PDE1C: variants seen among roughly 807,000 people sequenced by gnomAD.
The protein encoded by PDE1C is dual specificity calcium/calmodulin-dependent 3',5'-cyclic nucleotide phosphodiesterase 1C.
In PDE1C, 62 loss-of-function variants were observed where a neutral mutation model predicts 93.1. The observed-to-expected ratio is 0.67, with a 90% confidence interval of 0.54 to 0.82. The LOEUF is 0.82. Ranked by LOEUF, PDE1C falls within the 40% of genes least tolerant of loss-of-function variation. The pLI is 0.00. For missense variants in PDE1C, 742 were observed against 884.6 expected (o/e 0.84, Z 2.04); for synonymous variants, 325 against 310.1 (o/e 1.05, Z -0.50).
the PDE1C span, chr7:31,695,363 A>G: frequency 9.7e-7 from 1 of 1,032,942 alleles, no homozygotes; most frequent in Non-Finnish European, 1.4e-6. Flanking sequence ...TTTTCAGGCC[A>G]AATCACCTCT....
chr7:31,889,335 A>C (rs143223172), intron 2 of PDE1C, among the ~76,000 whole-genome samples: 17 of 152,294 alleles, frequency 1.1e-4, no homozygotes, highest in Admixed American at 1.0e-3. Flanking sequence ...GGATGTGCAT[A>C]TGTATTTTTA....
intron 16 of PDE1C, among the ~76,000 whole-genome samples, chr7:31,777,082 G>A (rs1033144144): frequency 2.6e-5 from 4 of 151,564 alleles, no homozygotes; most frequent in African/African-American, 4.9e-5. Flanking sequence ...CATGGCACAT[G>A]TATACATATG....
intron 3 of PDE1C, among the ~76,000 whole-genome samples, chr7:32,124,108 G>C (rs1799442524): frequency 6.6e-6 from 1 of 152,104 alleles, no homozygotes; most frequent in African/African-American, 2.4e-5. Context: ...ATTCATAATT[G>C]CTACAAAGAG....
chr7:32,143,439 T>C (rs1193129650), intron 3 of PDE1C, among the ~76,000 whole-genome samples: 1 of 151,852 alleles, frequency 6.6e-6, no homozygotes, highest in African/African-American at 2.4e-5. Flanking sequence ...TCCCATCAGC[T>C]ATGCAGGACG....
chr7:32,010,630 T>C (rs1786951059), intron 2 of PDE1C, among the ~76,000 whole-genome samples: 1 of 152,206 alleles, frequency 6.6e-6, no homozygotes, highest in Non-Finnish European at 1.5e-5. Flanking sequence ...CAGGTCACTA[T>C]AAAATCAGAA....
intron 2 of PDE1C, among the ~76,000 whole-genome samples, chr7:31,987,642 A>C (rs1384112999): frequency 6.6e-6 from 1 of 152,162 alleles, no homozygotes; most frequent in East Asian, 1.9e-4. Context: ...CCCTAATAAA[A>C]CCAACTTATT....
At chr7:31,850,438 T>G (rs772834253) in intron 8 of PDE1C, among the ~76,000 whole-genome samples, 1 of 152,130 alleles carries the variant, frequency 6.6e-6, no homozygotes. Flanking sequence ...CTGAACAAAA[T>G]AGGAGAATTA....
intron 1 of PDE1C, among the ~76,000 whole-genome samples, chr7:32,065,056 G>C (rs75969406): frequency 1.6e-4 from 10 of 64,126 alleles, no homozygotes; most frequent in East Asian, 2.3e-4. Context: ...GGCGGTGGGG[G>C]GGGGGGGGAG....
Position 31,752,987 on chromosome 7 carries a change from A to C in PDE1C, c.*397T>G, listed in dbSNP as rs1490556684. ...TATGTTTTTATCAGTGCATTTCTTAAATATGATGATTATTAAACCAATATT... is the reference window on the plus strand; with the variant it reads ...TATGTTTTTATCAGTGCATTTCTTACATATGATGATTATTAAACCAATATT... On this transcript the variant is annotated 3_prime_UTR_variant, in exon 18 of 18. Coordinates refer to ENST00000396191, the MANE Select transcript of PDE1C (RefSeq NM_001191057.4). The C allele has an allele frequency of 6.5e-6, 1 of 153,356 alleles. No individual in the cohort carries two copies. Among genetic ancestry groups the C allele is most frequent in the Non-Finnish European group, 1.5e-5 (1 of 68,914 alleles). The allele number at this position is 153,356 out of a possible 1,614,324, so 9.5% of individuals were successfully genotyped here.
chr7:32,005,338 T>C (rs1584417660), intron 2 of PDE1C, among the ~76,000 whole-genome samples: 1 of 151,882 alleles, frequency 6.6e-6, no homozygotes, highest in Non-Finnish European at 1.5e-5. Context: ...AGGCAGATCA[T>C]GATGTCAGGA....
chr7:32,145,294 T>C (rs903985722), intron 3 of PDE1C, among the ~76,000 whole-genome samples: 1 of 152,262 alleles, frequency 6.6e-6, no homozygotes, highest in Non-Finnish European at 1.5e-5. Flanking sequence ...ACAGAGGTAT[T>C]GCGCAGGACA....
chr7:32,323,098 G>A (rs1783332196), intron 1 of PDE1C, among the ~76,000 whole-genome samples: 1 of 152,324 alleles, frequency 6.6e-6, no homozygotes, highest in East Asian at 1.9e-4. Flanking sequence ...AAAGTGACAT[G>A]TAACATCAAA....
At chr7:32,186,104 T>G (rs71530576) in intron 2 of PDE1C, among the ~76,000 whole-genome samples, 30,473 of 147,140 alleles carry the variant, frequency 0.21, 4,018 homozygotes, top group Admixed American at 0.34. Context: ...TTTTTTTTTT[T>G]TTTTTTTTTG....
chr7:32,119,099 C>G (rs1379572597), intron 3 of PDE1C, among the ~76,000 whole-genome samples: 1 of 152,144 alleles, frequency 6.6e-6, no homozygotes, highest in African/African-American at 2.4e-5. Flanking sequence ...CCTTCTCTCT[C>G]TCTCTCCCAC....
chr7:32,208,114 T>G (rs1405429645), intron 2 of PDE1C, among the ~76,000 whole-genome samples: 1 of 152,222 alleles, frequency 6.6e-6, no homozygotes, highest in Admixed American at 6.5e-5. Flanking sequence ...TATTACACAA[T>G]TTCTAAAATA....
chr7:32,168,093 T>C (rs1562541469), intron 3 of PDE1C, among the ~76,000 whole-genome samples: 2 of 152,016 alleles, frequency 1.3e-5, no homozygotes, highest in Non-Finnish European at 2.9e-5. Flanking sequence ...AGGGTACCAA[T>C]AAATAAATAA....
chr7:31,757,627 C>A (rs1342942283), intron 17 of PDE1C, among the ~76,000 whole-genome samples: 1 of 152,090 alleles, frequency 6.6e-6, no homozygotes, highest in East Asian at 1.9e-4. Context: ...GAATGGCGAT[C>A]ATTAAAAAGT....
chr7:32,298,053 TCTCTCTCTCTCC>T (rs1201818321), intron 1 of PDE1C, among the ~76,000 whole-genome samples: 1,066 of 74,932 alleles, frequency 0.014, 328 homozygotes, highest in African/African-American at 0.034. Context: ...TCTCTCTCTC[TCTCTCTCTCTCC>T]CCTCTCTCTC....
chr7:32,247,338 T>C (rs1475522402), intron 1 of PDE1C, among the ~76,000 whole-genome samples: 1 of 127,272 alleles, frequency 7.9e-6, no homozygotes, highest in Non-Finnish European at 1.8e-5. Context: ...GGGTAAGGGC[T>C]CCTGTCTTAA....
Sources: allele counts gnomAD v4.1 joint callset (sites outside exome capture counted in the v4.1 genomes callset), GRCh38; gene constraint gnomAD v4.1.1; transcripts MANE v1.5; gene names NCBI Gene and HGNC (gene_info 2026-07-23, HGNC 2026-07-21).